LAMA2: variants seen among roughly 807,000 people sequenced by gnomAD.
LAMA2 encodes laminin subunit alpha-2.
In LAMA2, 269 loss-of-function variants were observed where a neutral mutation model predicts 364.8. That is an observed-to-expected ratio of 0.74 (90% CI 0.67 to 0.82). LAMA2 has a LOEUF of 0.82. Ranked by LOEUF, LAMA2 falls within the 40% of genes least tolerant of loss-of-function variation. The probability of loss-of-function intolerance (pLI) is 0.00; values close to 1 mark genes in which losing one functional copy is unlikely to be tolerated. For synonymous variants in LAMA2, 1,379 were observed against 1,370.6 expected (o/e 1.01, Z -0.14); for missense variants, 3,807 against 3,873.2 (o/e 0.98, Z 0.45).
chr6:129,510,551 T>G (rs888552739), intron 62 of LAMA2, among the ~76,000 whole-genome samples: 23 of 152,096 alleles, frequency 1.5e-4, no homozygotes, highest in Admixed American at 2.6e-4. Context: ...ATGTGGAGAT[T>G]ATGATGGGAA....
At chr6:129,451,264 A>G (rs1782661349) in intron 45 of LAMA2, among the ~76,000 whole-genome samples, 1 of 152,186 alleles carries the variant, frequency 6.6e-6, no homozygotes, top group Non-Finnish European at 1.5e-5. Flanking sequence ...GGGAAATTCC[A>G]TGATTTGTGA....
intron 34 of LAMA2, among the ~76,000 whole-genome samples, chr6:129,370,862 T>C (rs1351084298): frequency 6.6e-6 from 1 of 152,212 alleles, no homozygotes; most frequent in Non-Finnish European, 1.5e-5. Context: ...TTTTTCTACA[T>C]AGCCTGCTGT....
At chr6:129,135,185 C>T (rs1027869538) in intron 4 of LAMA2, among the ~76,000 whole-genome samples, 13 of 151,818 alleles carry the variant, frequency 8.6e-5, no homozygotes, top group Non-Finnish European at 1.5e-5. Flanking sequence ...AACAGGAGGA[C>T]GATAAAGAGG....
chr6:129,051,665 GATCGATCTATAGATATCTA>G (rs754086380), intron 2 of LAMA2, among the ~76,000 whole-genome samples: 30,987 of 90,688 alleles, frequency 0.34, 4,457 homozygotes, highest in African/African-American at 0.54. Context: ...CATATCTATA[GATCGATCTATAGATATCTA>G]TATCTATAGA....
intron 4 of LAMA2, among the ~76,000 whole-genome samples, chr6:129,110,141 C>T (rs886932694): frequency 1.3e-5 from 2 of 151,648 alleles, no homozygotes; most frequent in African/African-American, 4.8e-5. Context: ...ATATTCATTG[C>T]AATTTATTAT....
chr6:129,195,895 C>T (rs571242725), intron 12 of LAMA2, among the ~76,000 whole-genome samples: 1 of 152,276 alleles, frequency 6.6e-6, no homozygotes, highest in East Asian at 1.9e-4. Context: ...AACATTGCAA[C>T]AGTCATTTGC....
At chr6:129,057,873 A>G (rs1788597349) in intron 2 of LAMA2, among the ~76,000 whole-genome samples, 1 of 152,210 alleles carries the variant, frequency 6.6e-6, no homozygotes, top group Non-Finnish European at 1.5e-5. Flanking sequence ...CTTCAAATTT[A>G]AAAAGGATTG....
intron 9 of LAMA2, among the ~76,000 whole-genome samples, chr6:129,167,327 A>G (rs1314914409): frequency 8.9e-6 from 1 of 112,262 alleles, no homozygotes; most frequent in East Asian, 2.9e-4. Flanking sequence ...CCACCCCACA[A>G]CAGTCCCCAG....
intron 12 of LAMA2, among the ~76,000 whole-genome samples, chr6:129,203,563 T>C (rs1424666573): frequency 6.6e-6 from 1 of 152,252 alleles, no homozygotes; most frequent in African/African-American, 2.4e-5. Flanking sequence ...GAGAGAGGGC[T>C]GCAACAGCTT....
chr6:128,907,545 G>A (rs1777571839), intron 1 of LAMA2, among the ~76,000 whole-genome samples: 1 of 152,038 alleles, frequency 6.6e-6, no homozygotes, highest in Non-Finnish European at 1.5e-5. Flanking sequence ...CTGAGACAAT[G>A]GGGTTTTCTA....
chr6:129,023,672 A>G (rs1785600463), intron 1 of LAMA2, among the ~76,000 whole-genome samples: 1 of 152,028 alleles, frequency 6.6e-6, no homozygotes, highest in African/African-American at 2.4e-5. Context: ...TCTATACCTA[A>G]TGTTAGTACC....
chr6:129,270,786 C>T (rs1044695084), intron 17 of LAMA2, 35 bp downstream of exon 17: 2 of 1,607,080 alleles, frequency 1.2e-6, no homozygotes, highest in African/African-American at 2.7e-5. Flanking sequence ...ATAAGCTCAG[C>T]ATCCATTTCT....
chr6:129,316,953 A>G (rs750567841), intron 27 of LAMA2, among the ~76,000 whole-genome samples: 24 of 152,246 alleles, frequency 1.6e-4, no homozygotes, highest in African/African-American at 4.8e-4. Flanking sequence ...AAGGAATAAC[A>G]TATTGTCAAA....
intron 33 of LAMA2, among the ~76,000 whole-genome samples, chr6:129,367,689 C>G (rs1296275722): frequency 6.6e-6 from 1 of 152,010 alleles, no homozygotes; most frequent in Admixed American, 6.6e-5. Context: ...TATTATTATC[C>G]CTATTTTCCA....
intron 29 of LAMA2, among the ~76,000 whole-genome samples, chr6:129,339,722 G>A (rs988832121): frequency 5.3e-5 from 8 of 152,158 alleles, no homozygotes; most frequent in African/African-American, 1.7e-4. Flanking sequence ...GAAGCCATGG[G>A]GGCTGGGCAC....
chr6:129,338,478 A>T (rs972316436), intron 29 of LAMA2, among the ~76,000 whole-genome samples: 1 of 152,214 alleles, frequency 6.6e-6, no homozygotes, highest in African/African-American at 2.4e-5. Context: ...TTGCTTAAAA[A>T]TGGTGGTTCC....
chr6:129,284,332 C>G (rs896609507), intron 18 of LAMA2, among the ~76,000 whole-genome samples: 1 of 152,108 alleles, frequency 6.6e-6, no homozygotes, highest in Non-Finnish European at 1.5e-5. Context: ...TCAGCACTAT[C>G]ATCCTGAAAA....
At chr6:129,222,989 T>A (rs1783974733) in intron 12 of LAMA2, among the ~76,000 whole-genome samples, 1 of 152,180 alleles carries the variant, frequency 6.6e-6, no homozygotes, top group African/African-American at 2.4e-5. Flanking sequence ...TTTCTCCACA[T>A]CCTCTCCAGC....
At chr6:129,279,201 C>G (rs961784257) in intron 17 of LAMA2, among the ~76,000 whole-genome samples, 2 of 152,024 alleles carry the variant, frequency 1.3e-5, no homozygotes, top group Non-Finnish European at 2.9e-5. Flanking sequence ...GGTTGATGGC[C>G]CTTCAGAGAG....
Sources: gnomAD v4.1 joint callset for allele counts (sites outside exome capture counted in the v4.1 genomes callset) on GRCh38, gnomAD v4.1.1 for gene constraint, MANE v1.5 for transcripts, NCBI Gene and HGNC (gene_info 2026-07-23, HGNC 2026-07-21) for gene names.